Variants in ZNF638 observed in about 807,000 individuals in gnomAD.
ZNF638 encodes the protein CTCL tumor antigen se33-1.
ZNF638 carries 46 observed loss-of-function variants against 195.6 expected under a neutral mutation model. That is an observed-to-expected ratio of 0.24 (90% CI 0.19 to 0.30). ZNF638 has a LOEUF of 0.30. Among genes scored for constraint, ZNF638 ranks in the 10% least tolerant of loss-of-function variants. The pLI, the probability that ZNF638 is intolerant of heterozygous loss-of-function variation, is 1.00. For missense variants in ZNF638, 2,440 were observed against 2,325.3 expected, an observed-to-expected ratio of 1.05 and a Z score of -1.01; for synonymous variants, 845 against 772.0, an observed-to-expected ratio of 1.09 and a Z score of -1.57.
At chr2:71,422,402 T>A (rs554479289) in intron 21 of ZNF638, among the ~76,000 whole-genome samples, 1 of 152,308 alleles carries the variant, frequency 6.6e-6, no homozygotes, top group Non-Finnish European at 1.5e-5. Context: ...AAATTTTAAA[T>A]CATAATGCAT....
intron 1 of ZNF638, among the ~76,000 whole-genome samples, chr2:71,347,028 A>C (rs1327484884): frequency 6.7e-6 from 1 of 149,680 alleles, no homozygotes. Context: ...TGTCTTTAAA[A>C]AAAGAAAAAA....
intron 21 of ZNF638, among the ~76,000 whole-genome samples, chr2:71,419,250 C>T (rs1405640335): frequency 6.6e-6 from 1 of 152,152 alleles, no homozygotes; most frequent in Non-Finnish European, 1.5e-5. Flanking sequence ...CTTATCACCA[C>T]CCTTGTTCCA....
Position 71,348,749 on chromosome 2 carries a change from T to G in ZNF638, c.-202-4T>G, listed in dbSNP as rs771373164. On this transcript the variant is annotated splice_region_variant and splice_polypyrimidine_tract_variant and intron_variant, in intron 1 of 27. Coordinates refer to ENST00000264447, the MANE Select transcript of ZNF638 (RefSeq NM_014497.5). ...TGATCTAATATTTGTGTTTTAACTT[T>G]CAGCTTTGTGTTATTCTTGGAAAAT... is the stretch of plus-strand genomic sequence containing the variant. The G allele has an allele frequency of 5.3e-6, 8 of 1,523,368 alleles. No homozygotes were observed. Among genetic ancestry groups the G allele is most frequent in the Non-Finnish European group, 6.1e-6 (7 of 1,138,900 alleles). The allele number at this position is 1,523,368 out of a possible 1,614,324, so 94.4% of individuals were successfully genotyped here. A position where few individuals can be genotyped will look rare whatever the true frequency, so the allele number is the denominator to read the frequency against.
At position 71,348,765 on chromosome 2, in the gene ZNF638, C is replaced by G; in HGVS notation, c.-190C>G. On this transcript the variant is annotated 5_prime_UTR_variant, in exon 2 of 28. Coordinates refer to ENST00000264447, the MANE Select transcript of ZNF638 (RefSeq NM_014497.5). ...TTTTAACTTTCAGCTTTGTGTTATT[C>G]TTGGAAAATTTCGCACCACTTGTGA... is the stretch of plus-strand genomic sequence containing the variant. The G allele has an allele frequency of 6.5e-7, 1 of 1,534,722 alleles. No homozygotes were observed. The highest frequency in any genetic ancestry group is 8.7e-7 in the Non-Finnish European group (1 of 1,145,158).
At chr2:71,388,028 A>C (rs1036864526) in intron 10 of ZNF638, among the ~76,000 whole-genome samples, 1 of 151,528 alleles carries the variant, frequency 6.6e-6, no homozygotes, top group South Asian at 2.1e-4. Context: ...ATAATTAAAG[A>C]AAAAAAAATC....
intron 8 of ZNF638, among the ~76,000 whole-genome samples, chr2:71,377,053 G>C (rs1040861557): frequency 6.6e-6 from 1 of 152,218 alleles, no homozygotes; most frequent in East Asian, 1.9e-4. Flanking sequence ...CAGGATGATT[G>C]CTTGAGCCCA....
intron 3 of ZNF638, among the ~76,000 whole-genome samples, chr2:71,360,274 T>C (rs2079086700): frequency 1.3e-5 from 2 of 152,238 alleles, no homozygotes; most frequent in Admixed American, 1.3e-4. Flanking sequence ...TTTTCTGAAC[T>C]ATTTGAAAAT....
Position 71,428,601 on chromosome 2 carries a change from C to G in ZNF638, c.5600C>G (p.Ala1867Gly), listed in dbSNP as rs755901798. The G allele has an allele frequency of 8.1e-6, 13 of 1,613,914 alleles. No individual in the cohort carries two copies. In the South Asian group the frequency reaches 1.3e-4, roughly 16 times the overall value. Residue 1867 changes from alanine (A) to glycine (G), a missense_variant, in exon 25 of 28, where the codon GCT (alanine) becomes GGT (glycine). Ala to Gly is a moderately conservative substitution (Grantham distance 60). Around this residue, in one of 5 missense-constraint regions of ZNF638, gnomAD observed 1,883 missense variants for 1,739.1 expected, o/e 1.08. Coordinates refer to ENST00000264447, the MANE Select transcript of ZNF638 (RefSeq NM_014497.5). The part of the protein sequence containing the change: ...RIGKTLPSEK[A>G]VVTEPAKGEE... ...GGGAAAACTCTGCCATCAGAAAAAG[C>G]TGTTGTGACAGAACCAGCAAAAGGT...
intron 20 of ZNF638, among the ~76,000 whole-genome samples, chr2:71,417,209 C>T (rs1264155626): frequency 2.0e-5 from 3 of 151,738 alleles, no homozygotes; most frequent in South Asian, 2.1e-4. Flanking sequence ...GTCTGAAAAG[C>T]GCAATATTCG....
chr2:71,389,353 A>G (rs888907213), intron 10 of ZNF638, among the ~76,000 whole-genome samples: 2 of 152,204 alleles, frequency 1.3e-5, no homozygotes, highest in African/African-American at 4.8e-5. Flanking sequence ...GCTTATAAAG[A>G]TAAGAAAAAG....
Position 71,408,232 on chromosome 2 carries a change from G to A in ZNF638, c.3246G>A (p.Lys1082=), listed in dbSNP as rs1239273712. The change falls in exon 20 of 28, where the codon AAG becomes AAA. Residue 1082 remains lysine (K), a synonymous_variant. Transcript: ENST00000264447. ...DHMLTCSLSP[K]IDLPEVQIEH... is the part of the protein sequence containing the mutation. ...TGTTGACCTGCTCATTATCTCCAAA[G>A]ATAGACTTACCAGAGGTAAGATTTA... 1.9e-6 allele frequency: 3 copies of A among 1,610,818 alleles called. No individual in the cohort carries two copies. The highest frequency in any genetic ancestry group is 2.5e-6 in the Non-Finnish European group (3 of 1,178,928).
At chr2:71,352,486 TAAAAAAAATAAAAAA>T (rs2078958209) in intron 2 of ZNF638, among the ~76,000 whole-genome samples, 1 of 19,812 alleles carries the variant, frequency 5.0e-5, no homozygotes, top group Non-Finnish European at 1.0e-4. Context: ...TCAAAAAAAA[TAAAAAAAATAAAAAA>T]AAAAAAAAAG....
At chr2:71,384,823 A>G (rs2079605306) in intron 10 of ZNF638, among the ~76,000 whole-genome samples, 1 of 152,200 alleles carries the variant, frequency 6.6e-6, no homozygotes, top group Non-Finnish European at 1.5e-5. Flanking sequence ...TATTGTGAAA[A>G]TTTTAAAATA....
chr2:71,398,801 T>C (rs372220629), intron 12 of ZNF638, 29 bp downstream of exon 12: 2 of 1,531,470 alleles, frequency 1.3e-6, no homozygotes, highest in African/African-American at 2.8e-5. Flanking sequence ...AGAGATTTTA[T>C]TGTTTATTCT....
Position 71,382,575 on chromosome 2 carries a change from A to T in ZNF638, c.2377+2010A>T, listed in dbSNP as rs1002186040. ...GGAAACATTCGAGCTCTTACCCAGT[A>T]CTAATTAAAAAGAAAAATAGTAATT... On this transcript the variant is annotated intron_variant, in intron 10 of 27. Transcript: ENST00000264447. 1.3e-5 allele frequency among the ~76,000 whole-genome samples: 2 copies of T among 152,204 alleles called. 1 individual carries two copies. The highest frequency in any genetic ancestry group is 2.9e-5 in the Non-Finnish European group (2 of 68,036).
intron 10 of ZNF638, among the ~76,000 whole-genome samples, chr2:71,383,684 G>T (rs1365080504): frequency 1.4e-5 from 2 of 147,088 alleles, no homozygotes; most frequent in African/African-American, 2.5e-5. Context: ...AAGTGATTCT[G>T]CCTCAGCCTC....
At chr2:71,404,305 T>C (rs2080062636) in intron 17 of ZNF638, among the ~76,000 whole-genome samples, 1 of 152,240 alleles carries the variant, frequency 6.6e-6, no homozygotes, top group Non-Finnish European at 1.5e-5. Context: ...CTGGAAGTTA[T>C]CTTTAATTTT....
At chr2:71,406,524 C>T (rs2080109343) in intron 19 of ZNF638, among the ~76,000 whole-genome samples, 1 of 152,132 alleles carries the variant, frequency 6.6e-6, no homozygotes, top group Admixed American at 6.5e-5. Flanking sequence ...ACAGCATTAT[C>T]TTACTGGGAA....
rs1216932382 is a variant in ZNF638, at chr2:71,340,282, ACT to A, written c.-203+8412_-203+8413del. On this transcript the variant is annotated intron_variant, in intron 1 of 27. Coordinates refer to ENST00000264447, the MANE Select transcript of ZNF638 (RefSeq NM_014497.5). ...TTGGCATTTTAACGTGAAACATGGTACTCTCTGTCAACACTTGTGGCACCCTC... is the reference window on the plus strand; with the variant it reads ...TTGGCATTTTAACGTGAAACATGGTACTCTGTCAACACTTGTGGCACCCTC... Among the ~76,000 whole-genome samples, 10 of 152,214 alleles carry A rather than the reference ACT, an allele frequency of 6.6e-5. No individual in the cohort carries two copies. The East Asian group carries it at 1.5e-3, about 24-fold the overall frequency.
Sources: gnomAD v4.1 joint callset for allele counts (sites outside exome capture counted in the v4.1 genomes callset) on GRCh38, gnomAD v4.1.1 for gene constraint, gnomAD v4.1.1 regional missense constraint, MANE v1.5 for transcripts, NCBI Gene and HGNC (gene_info 2026-07-23, HGNC 2026-07-21) for gene names.